Variants in BMPR1A observed in about 807,000 individuals in gnomAD.
BMPR1A encodes the protein bone morphogenetic protein receptor type 1A, also known as bone morphogenetic protein receptor type-1A.
Under a neutral mutation model 66.0 loss-of-function variants are expected in BMPR1A, and 7 were observed. The observed-to-expected ratio is 0.11, with a 90% CI of 0.06 to 0.20. BMPR1A has a LOEUF of 0.20. Among genes scored for constraint, BMPR1A ranks in the 10% least tolerant of loss-of-function variants. The pLI is 1.00. For missense variants in BMPR1A, 408 were observed against 669.1 expected (o/e 0.61, Z 4.31); for synonymous variants, 200 against 229.7 (o/e 0.87, Z 1.17).
At chr10:86,921,802 G>A (rs978995094) in intron 11 of BMPR1A, 107 bp downstream of exon 11, 13 of 1,378,906 alleles carry the variant, frequency 9.4e-6, no homozygotes, top group East Asian at 2.4e-5. Context: ...GCACATAGTA[G>A]GTGTATATAT....
chr10:86,913,156 G>T (rs1028235835), intron 8 of BMPR1A, among the ~76,000 whole-genome samples: 1 of 151,846 alleles, frequency 6.6e-6, no homozygotes, highest in African/African-American at 2.4e-5. Flanking sequence ...AGATAGTCTT[G>T]CTCTGTCACC....
At chr10:86,920,856 C>CTTTTTTTT (rs397774280) in intron 10 of BMPR1A, among the ~76,000 whole-genome samples, 1 of 122,206 alleles carries the variant, frequency 8.2e-6, no homozygotes, top group Admixed American at 8.4e-5. Flanking sequence ...CTTTTCTTTT[C>CTTTTTTTT]TTTTTTTTTT....
intron 1 of BMPR1A, among the ~76,000 whole-genome samples, chr10:86,823,707 T>C (rs1254431820): frequency 6.6e-6 from 1 of 152,196 alleles, no homozygotes; most frequent in Non-Finnish European, 1.5e-5. Context: ...ACATTGGTGA[T>C]CCTGCTTCAC....
chr10:86,838,544 G>C (rs1842382490), intron 1 of BMPR1A, among the ~76,000 whole-genome samples: 1 of 151,510 alleles, frequency 6.6e-6, no homozygotes, highest in African/African-American at 2.4e-5. Flanking sequence ...GTACATTTCG[G>C]TGCTGCTTCT....
chr10:86,762,622 G>T (rs1841087203), intron 1 of BMPR1A, among the ~76,000 whole-genome samples: 1 of 152,198 alleles, frequency 6.6e-6, no homozygotes, highest in Non-Finnish European at 1.5e-5. Flanking sequence ...GCCTCCCAAA[G>T]TTCTGGGATT....
chr10:86,804,124 T>C (rs1841850937), intron 1 of BMPR1A, among the ~76,000 whole-genome samples: 1 of 152,204 alleles, frequency 6.6e-6, no homozygotes, highest in Admixed American at 6.5e-5. Flanking sequence ...CAGTTTATTC[T>C]CATAGGGGAT....
chr10:86,765,989 C>CTTTTTTTTTTTTTTTT lies in BMPR1A; in HGVS notation c.-268+9084_-268+9085insTTTTTTTTTTTTTTTT, dbSNP rs67035271. ...GTCAGTAAATTTCAATTTCCTCATT[C>CTTTTTTTTTTTTTTTT]TTTTTTTTTTTTTTGAGGGAAGGTC... On this transcript the variant is annotated intron_variant, in intron 1 of 12. Coordinates refer to ENST00000372037, the MANE Select transcript of BMPR1A (RefSeq NM_004329.3). Among the ~76,000 whole-genome samples the CTTTTTTTTTTTTTTTT allele has an allele frequency of 1.7e-4, 23 of 131,794 alleles. 1 individual carries two copies. Among genetic ancestry groups the CTTTTTTTTTTTTTTTT allele is most frequent in the East Asian group, 1.2e-3 (4 of 3,476 alleles). 86.5% of individuals were successfully genotyped at this position (131,794 alleles called of 152,430 possible). A position where few individuals can be genotyped will look rare whatever the true frequency, so the allele number is the denominator to read the frequency against.
At chr10:86,831,317 A>G (rs1388037157) in intron 1 of BMPR1A, among the ~76,000 whole-genome samples, 1 of 151,858 alleles carries the variant, frequency 6.6e-6, no homozygotes, top group Non-Finnish European at 1.5e-5. Flanking sequence ...TTTTTCTTCG[A>G]TATTTGGGAT....
rs566165264 is a variant in BMPR1A, at chr10:86,877,312, A to T, written c.67+1227A>T. ...AAGCTCCGCCTCCCGGGTTCACGCC[A>T]TTCTCTTGCCTCAGCCTCCCGAGTA... On this transcript the variant is annotated intron_variant, in intron 3 of 12. Transcript: ENST00000372037. Among the ~76,000 whole-genome samples, 5 of 148,990 alleles carry T rather than the reference A, an allele frequency of 3.4e-5. No homozygotes were observed. In the South Asian group the frequency reaches 1.1e-3, roughly 32 times the overall value.
intron 1 of BMPR1A, among the ~76,000 whole-genome samples, chr10:86,765,527 G>GAAGCCT (rs1453300065): frequency 6.8e-6 from 1 of 146,954 alleles, no homozygotes; most frequent in Non-Finnish European, 1.5e-5. Flanking sequence ...TCTCTCCTAT[G>GAAGCCT]AAGCCCTCCT....
chr10:86,797,607 C>T (rs1019927084), intron 1 of BMPR1A, among the ~76,000 whole-genome samples: 3 of 151,902 alleles, frequency 2.0e-5, no homozygotes, highest in Admixed American at 6.6e-5. Flanking sequence ...CTCAAGTGAT[C>T]CGCCCACCTC....
chr10:86,799,506 C>CTTCCT (rs1354339570), intron 1 of BMPR1A, among the ~76,000 whole-genome samples: 1 of 64,476 alleles, frequency 1.6e-5, no homozygotes, highest in Admixed American at 1.7e-4. Flanking sequence ...TCCTTCCTTC[C>CTTCCT]TTTCTTTTCT....
At chr10:86,856,547 C>G (rs1393011338) in intron 2 of BMPR1A, among the ~76,000 whole-genome samples, 1 of 152,092 alleles carries the variant, frequency 6.6e-6, no homozygotes, top group Non-Finnish European at 1.5e-5. Context: ...ACTTTGGTAC[C>G]AAAACCAAGC....
intron 3 of BMPR1A, among the ~76,000 whole-genome samples, chr10:86,883,162 G>A (rs1016352020): frequency 1.3e-5 from 2 of 151,976 alleles, no homozygotes; most frequent in African/African-American, 4.8e-5. Context: ...TTGGATTATC[G>A]TGGGTAATTT....
At chr10:86,859,361 G>A (rs1790241277) in intron 2 of BMPR1A, among the ~76,000 whole-genome samples, 2 of 151,914 alleles carry the variant, frequency 1.3e-5, no homozygotes, top group Admixed American at 1.3e-4. Flanking sequence ...TAGAGATGGG[G>A]TCTCACTACA....
intron 2 of BMPR1A, among the ~76,000 whole-genome samples, chr10:86,854,023 A>C (rs1842607674): frequency 6.6e-6 from 1 of 152,150 alleles, no homozygotes; most frequent in Non-Finnish European, 1.5e-5. Flanking sequence ...GGCTTATTTC[A>C]TCCCTACAGT....
intron 1 of BMPR1A, among the ~76,000 whole-genome samples, chr10:86,767,170 C>G (rs909334022): frequency 1.3e-5 from 2 of 152,136 alleles, no homozygotes; most frequent in African/African-American, 4.8e-5. Context: ...AAAAAACATT[C>G]ATGATATAAG....
intron 1 of BMPR1A, among the ~76,000 whole-genome samples, chr10:86,832,982 C>T (rs939451083): frequency 3.3e-5 from 5 of 152,070 alleles, no homozygotes; most frequent in South Asian, 2.1e-4. Context: ...TGGTGGCTCA[C>T]GCTTATAATC....
At chr10:86,789,353 G>A (rs12763816) in intron 1 of BMPR1A, among the ~76,000 whole-genome samples, 2 of 151,750 alleles carry the variant, frequency 1.3e-5, no homozygotes. Context: ...GAGAAAACAA[G>A]CCATAGAATG....
Sources: allele counts gnomAD v4.1 joint callset (sites outside exome capture counted in the v4.1 genomes callset), GRCh38; gene constraint gnomAD v4.1.1; transcripts MANE v1.5; gene names NCBI Gene and HGNC (gene_info 2026-07-23, HGNC 2026-07-21).